The following MAP3K10 variants were observed in gnomAD, a reference collection of about 807,000 sequenced individuals.
MAP3K10 encodes mitogen-activated protein kinase kinase kinase 10, also known as MKN28 derived nonreceptor_type serine/threonine kinase.
MAP3K10 carries 22 observed loss-of-function variants against 75.0 expected under a neutral mutation model. The ratio of observed to expected loss-of-function variants is 0.29; its 90% CI spans 0.21 to 0.42. The LOEUF (loss-of-function observed/expected upper bound fraction) is 0.42. Ranked by LOEUF, MAP3K10 falls within the 10% of genes least tolerant of loss-of-function variation. MAP3K10 has a pLI of 1.00. For missense variants in MAP3K10, 1,165 were observed against 1,379.8 expected (o/e 0.84, Z 2.47); for synonymous variants, 599 against 612.9 (o/e 0.98, Z 0.34).
Position 40,212,130 on chromosome 19 carries a change from T to G in MAP3K10, c.1553-675T>G, listed in dbSNP as rs1973251819. On this transcript the variant is annotated intron_variant, in intron 6 of 9. Transcript: ENST00000253055. This position sits in a 1 kb window ranked among gnomAD's most constrained non-coding sequence, Gnocchi z 4.2. ...TTTTCCCTCTGGCTGCTGTAAGAAA[T>G]AAAGGTGGAGAAAGCAGTGAGATGA... is the stretch of plus-strand genomic sequence containing the variant. 6.6e-6 allele frequency among the ~76,000 whole-genome samples: 1 copy of G among 151,830 alleles called. No individual in the cohort carries two copies. The highest frequency in any genetic ancestry group is 1.5e-5 in the Non-Finnish European group (1 of 67,944).
In MAP3K10 at chr19:40,198,570, G is replaced by A. The variant is rs866325050; in HGVS notation, c.863+15G>A. ...GATGTCTGGAGGTGCTGAAAGGCGC[G>A]GCCGGGATGGCCTCTGGGGAGTAAG... On this transcript the variant is annotated intron_variant, in intron 2 of 9. Coordinates refer to ENST00000253055, the MANE Select transcript of MAP3K10 (RefSeq NM_002446.4). The surrounding 1 kb of genome is among the most constrained non-coding windows in gnomAD (Gnocchi z 4.3). 2.0e-5 allele frequency: 32 copies of A among 1,598,380 alleles called. No individual in the cohort carries two copies. Among genetic ancestry groups the A allele is most frequent in the South Asian group, 3.4e-5 (3 of 89,552 alleles).
chr19:40,195,286 A>G (rs995410336), intron 1 of MAP3K10, among the ~76,000 whole-genome samples: 1 of 152,076 alleles, frequency 6.6e-6, no homozygotes, highest in East Asian at 1.9e-4. Context: ...GGACTGACTT[A>G]GGCCCAGCCT....
At position 40,209,758 on chromosome 19, in the gene MAP3K10, G is replaced by A. The variant is rs193108364; in HGVS notation, c.1552+539G>A. On this transcript the variant is annotated intron_variant, in intron 6 of 9. Transcript: ENST00000253055. ...TGATAAGTTCTTTAAAGGAGCTCAGGGAAGGGAATAAAAGAGGAGATGTAT... is the reference window on the plus strand; with the variant it reads ...TGATAAGTTCTTTAAAGGAGCTCAGAGAAGGGAATAAAAGAGGAGATGTAT... 6.1e-4 allele frequency among the ~76,000 whole-genome samples: 93 copies of A among 152,196 alleles called. 1 individual carries two copies. Among genetic ancestry groups the A allele is most frequent in the South Asian group, 1.0e-3 (5 of 4,824 alleles).
At chr19:40,196,691 G>A (rs1271036136) in intron 1 of MAP3K10, among the ~76,000 whole-genome samples, 3 of 152,082 alleles carry the variant, frequency 2.0e-5, no homozygotes, top group African/African-American at 4.8e-5. Context: ...GCTAATTTTT[G>A]TATTTTTAGT....
chr19:40,204,522 G>A lies in MAP3K10; in HGVS notation c.901G>A (p.Val301Ile). The change falls in exon 3 of 10, where the codon GTC becomes ATC. Residue 301 changes from valine (V) to isoleucine (I), a missense_variant. Val to Ile is a conservative substitution (Grantham distance 29, BLOSUM62 3). Transcript: ENST00000253055. The surrounding 1 kb of genome is among the most constrained non-coding windows in gnomAD (Gnocchi z 4.3). The stretch of plus-strand genomic sequence containing the variant: ...GCTGTGGGAGCTGCTGACGGGGGAG[G>A]TCCCCTACCGTGAGATCGACGCCTT... ...VLLWELLTGE[V>I]PYREIDALAV... is the part of the protein sequence containing the mutation. 6.2e-7 allele frequency: 1 copy of A among 1,613,902 alleles called. No individual in the cohort carries two copies. The highest frequency in any genetic ancestry group is 2.2e-5 in the East Asian group (1 of 44,876).
chr19:40,208,345 C>CTTT (rs747110243), intron 5 of MAP3K10, among the ~76,000 whole-genome samples: 50 of 55,906 alleles, frequency 8.9e-4, no homozygotes, highest in South Asian at 4.2e-3. Context: ...CTCTTTCTTT[C>CTTT]TTTTTTTTTT....
At position 40,200,612 on chromosome 19, in the gene MAP3K10, C is replaced by CTTT. The variant is rs71171548; in HGVS notation, c.863+2079_863+2081dup. On this transcript the variant is annotated intron_variant, in intron 2 of 9. Coordinates refer to ENST00000253055, the MANE Select transcript of MAP3K10 (RefSeq NM_002446.4). ...TACATCAGGCGTTCATTTGTGCTAC[C>CTTT]TTTTTTTTTTTTTTTTTTTTTTTTG... is the stretch of plus-strand genomic sequence containing the variant. 4.9e-3 allele frequency among the ~76,000 whole-genome samples: 391 copies of CTTT among 79,886 alleles called. 5 individuals are homozygous for CTTT. Among genetic ancestry groups the CTTT allele is most frequent in the African/African-American group, 9.8e-3 (217 of 22,068 alleles). 52.4% of individuals were successfully genotyped at this position (79,886 alleles called of 152,430 possible). A position where few individuals can be genotyped will look rare whatever the true frequency, so the allele number is the denominator to read the frequency against.
intron 5 of MAP3K10, among the ~76,000 whole-genome samples, chr19:40,207,024 G>A (rs1043866898): frequency 1.3e-5 from 2 of 152,058 alleles, no homozygotes; most frequent in South Asian, 2.1e-4. Flanking sequence ...GCTTGAACCC[G>A]GAAAGCAGAG....
At chr19:40,209,805 A>G (rs117045623) in intron 6 of MAP3K10, among the ~76,000 whole-genome samples, 2,723 of 152,272 alleles carry the variant, frequency 0.018, 41 homozygotes, top group Non-Finnish European at 0.028. Context: ...CTTCAGAGAA[A>G]CAGAATCAAC....
intron 9 of MAP3K10, among the ~76,000 whole-genome samples, chr19:40,214,567 G>C (rs1459658251): frequency 6.6e-6 from 1 of 152,172 alleles, no homozygotes; most frequent in African/African-American, 2.4e-5. Flanking sequence ...CCCACGTCAG[G>C]CACTGTGCTG....
chr19:40,199,652 C>T (rs1972980871), intron 2 of MAP3K10, among the ~76,000 whole-genome samples: 2 of 151,960 alleles, frequency 1.3e-5, no homozygotes, highest in Admixed American at 1.3e-4. Context: ...GAGGGAGTGG[C>T]CTTCAGGTTT....
intron 6 of MAP3K10, among the ~76,000 whole-genome samples, chr19:40,211,755 G>C (rs569139733): frequency 6.6e-6 from 1 of 152,020 alleles, no homozygotes; most frequent in Non-Finnish European, 1.5e-5. Context: ...ACAGACGCTC[G>C]CTCTGTCTCC....
At chr19:40,206,416 AT>A (rs888397788) in intron 5 of MAP3K10, 27 of 323,738 alleles carry the variant, frequency 8.3e-5, no homozygotes, top group East Asian at 2.0e-4. Flanking sequence ...AAAAAAAAAA[AT>A]TTTTTTTAAT....
chr19:40,198,838 T>C lies in MAP3K10; in HGVS notation c.863+283T>C, dbSNP rs1599902073. ...ATCCCAGCACTTTGGGAGGCCGAGGTGGGCGGATCACTTGAGGTCAGGAGT... is the reference window on the plus strand; with the variant it reads ...ATCCCAGCACTTTGGGAGGCCGAGGCGGGCGGATCACTTGAGGTCAGGAGT... On this transcript the variant is annotated intron_variant, in intron 2 of 9. Transcript: ENST00000253055. The surrounding 1 kb of genome is among the most constrained non-coding windows in gnomAD (Gnocchi z 4.3). Among the ~76,000 whole-genome samples, 1 of 152,266 alleles carries C rather than the reference T, an allele frequency of 6.6e-6. No individual in the cohort carries two copies. Among genetic ancestry groups the C allele is most frequent in the East Asian group, 1.9e-4 (1 of 5,162 alleles).
At chr19:40,206,637 C>G (rs1448762072) in intron 5 of MAP3K10, among the ~76,000 whole-genome samples, 1 of 152,040 alleles carries the variant, frequency 6.6e-6, no homozygotes, top group East Asian at 1.9e-4. Context: ...ATGAGTTACT[C>G]TAGTCACCCC....
At chr19:40,195,017 C>T (rs1972880121) in intron 1 of MAP3K10, among the ~76,000 whole-genome samples, 1 of 152,060 alleles carries the variant, frequency 6.6e-6, no homozygotes, top group African/African-American at 2.4e-5. Context: ...CCCAGCTTTA[C>T]AAAGATCTGG....
Position 40,205,001 on chromosome 19 carries a change from A to C in MAP3K10, c.1013-120A>C. 1.1e-6 allele frequency: 1 copy of C among 907,094 alleles called. No individual in the cohort carries two copies. The highest frequency in any genetic ancestry group is 1.5e-5 in the South Asian group (1 of 66,928). 56.2% of individuals were successfully genotyped at this position (907,094 alleles called of 1,614,324 possible). Reference sequence around the variant, plus strand: ...CTTTGAATCCCTTCCCCTCAGCTCCATAGCAGCTGTTTGTCTGCCATCCCC... The same window carrying C: ...CTTTGAATCCCTTCCCCTCAGCTCCCTAGCAGCTGTTTGTCTGCCATCCCC... On this transcript the variant is annotated intron_variant, in intron 3 of 9. Coordinates refer to ENST00000253055, the MANE Select transcript of MAP3K10 (RefSeq NM_002446.4). The surrounding 1 kb of genome is among the most constrained non-coding windows in gnomAD (Gnocchi z 4.3).
intron 5 of MAP3K10, among the ~76,000 whole-genome samples, chr19:40,208,853 C>T (rs1462957132): frequency 6.6e-6 from 1 of 152,068 alleles, no homozygotes; most frequent in Non-Finnish European, 1.5e-5. Context: ...CTTATTAAAC[C>T]ACAGTCCATT....
At position 40,205,762 on chromosome 19, in the gene MAP3K10, A is replaced by G; in HGVS notation, c.1189-149A>G. ...CCCTGCCCTGGCACCCAGCTTGGCTAGCAAAGCATGAGTCGGGTGGTGAAA... is the reference window on the plus strand; with the variant it reads ...CCCTGCCCTGGCACCCAGCTTGGCTGGCAAAGCATGAGTCGGGTGGTGAAA... On this transcript the variant is annotated intron_variant, in intron 4 of 9. Transcript: ENST00000253055. The surrounding 1 kb of genome is among the most constrained non-coding windows in gnomAD (Gnocchi z 4.3). The G allele has an allele frequency of 2.4e-6, 2 of 841,992 alleles. No homozygotes were observed. Among genetic ancestry groups the G allele is most frequent in the Admixed American group, 6.6e-5 (2 of 30,426 alleles). 52.2% of individuals were successfully genotyped at this position (841,992 alleles called of 1,614,324 possible). A position where few individuals can be genotyped will look rare whatever the true frequency, so the allele number is the denominator to read the frequency against.
Sources: allele counts gnomAD v4.1 joint callset (sites outside exome capture counted in the v4.1 genomes callset), GRCh38; gene constraint gnomAD v4.1.1; non-coding constraint Gnocchi (gnomAD v3.1); transcripts MANE v1.5; gene names NCBI Gene and HGNC (gene_info 2026-07-23, HGNC 2026-07-21).